Variants in NRG1 observed in about 807,000 individuals in gnomAD.
NRG1 encodes pro-neuregulin-1, membrane-bound isoform.
A neutral mutation model predicts 63.8 loss-of-function variants in NRG1; 18 were observed. The observed-to-expected ratio is 0.28, with a 90% CI of 0.19 to 0.42. The LOEUF is 0.42. Ranked by LOEUF, NRG1 falls within the 10% of genes least tolerant of loss-of-function variation. The pLI, the probability that NRG1 is intolerant of heterozygous loss-of-function variation, is 1.00. For missense variants in NRG1, 762 were observed against 814.7 expected (o/e 0.94, Z 0.79); for synonymous variants, 302 against 301.3 (o/e 1.00, Z -0.02).
intron 5 of NRG1, among the ~76,000 whole-genome samples, chr8:32,630,227 T>C (rs1165076179): frequency 1.3e-5 from 2 of 152,192 alleles, no homozygotes; most frequent in African/African-American, 4.8e-5. Context: ...CTTTCAGAAA[T>C]GGTCCTTTTT....
rs575790484 is a variant in NRG1 at position 32,462,283 on chromosome 8, A to G, written c.38-133545A>G. On this transcript the variant is annotated intron_variant, in intron 1 of 10. Transcript: ENST00000519301. ...GATTGGTGAGTGACAACAGTGCAGT[A>G]GGTAAAACTAATCTTAGACTCACAG... 1.8e-4 allele frequency among the ~76,000 whole-genome samples: 28 copies of G among 152,316 alleles called. No individual in the cohort carries two copies. The East Asian group carries it at 4.2e-3, about 23-fold the overall frequency.
chr8:32,646,967 A>G, intron 5 of NRG1: 1 of 983,774 alleles, frequency 1.0e-6, no homozygotes, highest in African/African-American at 1.8e-5. Flanking sequence ...AGAGAAAGAG[A>G]CTGAAGCAGA....
intron 5 of NRG1, among the ~76,000 whole-genome samples, chr8:32,633,486 A>G (rs562148500): frequency 6.6e-6 from 1 of 152,358 alleles, no homozygotes; most frequent in South Asian, 2.1e-4. Context: ...ATCAGAAGAA[A>G]ACATTTCCAT....
At chr8:31,772,037 G>A (rs1307692455) in intron 1 of NRG1, among the ~76,000 whole-genome samples, 1 of 152,178 alleles carries the variant, frequency 6.6e-6, no homozygotes, top group Non-Finnish European at 1.5e-5. Flanking sequence ...AACATTATAA[G>A]CACATGGTTT....
chr8:31,915,962 C>T (rs1256492997), intron 1 of NRG1, among the ~76,000 whole-genome samples: 3 of 152,042 alleles, frequency 2.0e-5, no homozygotes, highest in Non-Finnish European at 4.4e-5. Context: ...TACTACCAAG[C>T]ATATTCTGGA....
intron 5 of NRG1, among the ~76,000 whole-genome samples, chr8:32,624,624 G>A (rs1848879499): frequency 6.6e-6 from 1 of 152,076 alleles, no homozygotes; most frequent in South Asian, 2.1e-4. Flanking sequence ...GAATATAATT[G>A]CAGTATCATT....
At chr8:32,359,426 A>G (rs1806930783) in intron 1 of NRG1, among the ~76,000 whole-genome samples, 1 of 152,142 alleles carries the variant, frequency 6.6e-6, no homozygotes, top group South Asian at 2.1e-4. Context: ...CCCATCATAG[A>G]TAAGACTAGA....
rs765738805 is a variant in NRG1, at chr8:31,640,634, G to C, written c.37+1203G>C. 6.2e-7 allele frequency: 1 copy of C among 1,609,812 alleles called. No individual in the cohort carries two copies. The highest frequency in any genetic ancestry group is 1.1e-5 in the South Asian group (1 of 90,738). ...ATGGAGCCCGACGCCAACAGCACCA[G>C]CCGCGCGCCGGCCGCCTTCCGAGCC... On this transcript the variant is annotated intron_variant, in intron 1 of 10. Transcript: ENST00000519301. The surrounding 1 kb of genome is among the most constrained non-coding windows in gnomAD (Gnocchi z 6.3).
intron 1 of NRG1, among the ~76,000 whole-genome samples, chr8:31,848,992 A>G (rs1365264355): frequency 1.3e-5 from 2 of 152,206 alleles, no homozygotes; most frequent in Non-Finnish European, 2.9e-5. Flanking sequence ...ACAGATCCCT[A>G]TGCCAAAAAG....
chr8:32,684,593 G>A (rs1056323138), intron 5 of NRG1, among the ~76,000 whole-genome samples: 2 of 152,094 alleles, frequency 1.3e-5, no homozygotes, highest in African/African-American at 4.8e-5. Flanking sequence ...AAAGCTACAA[G>A]AGGTGTTATT....
intron 1 of NRG1, among the ~76,000 whole-genome samples, chr8:32,135,879 G>A (rs1835443505): frequency 6.6e-6 from 1 of 151,982 alleles, no homozygotes; most frequent in Non-Finnish European, 1.5e-5. Flanking sequence ...TTACAGGTGA[G>A]CATAAAAAAG....
At chr8:32,740,559 A>C (rs1037994806) in intron 6 of NRG1, among the ~76,000 whole-genome samples, 4 of 152,076 alleles carry the variant, frequency 2.6e-5, no homozygotes, top group Admixed American at 2.6e-4. Flanking sequence ...CTGCAGCAAA[A>C]ATATTCTAAA....
intron 1 of NRG1, among the ~76,000 whole-genome samples, chr8:31,797,740 CTATT>C (rs1385676951): frequency 2.0e-5 from 3 of 152,098 alleles, no homozygotes; most frequent in Admixed American, 1.3e-4. Context: ...ATTGTTAACA[CTATT>C]TATGGCAGCA....
At chr8:32,110,678 A>G (rs781473735) in intron 1 of NRG1, among the ~76,000 whole-genome samples, 1 of 152,126 alleles carries the variant, frequency 6.6e-6, no homozygotes, top group Non-Finnish European at 1.5e-5. Flanking sequence ...CTAAGGTTGA[A>G]TGATGTACTT....
intron 1 of NRG1, among the ~76,000 whole-genome samples, chr8:31,812,487 G>A (rs906351325): frequency 6.6e-6 from 1 of 151,988 alleles, no homozygotes; most frequent in Non-Finnish European, 1.5e-5. Flanking sequence ...ATTTGAAGCT[G>A]GAATACCCAA....
At chr8:32,603,069 A>G (rs1366819813) in intron 2 of NRG1, among the ~76,000 whole-genome samples, 1 of 152,220 alleles carries the variant, frequency 6.6e-6, no homozygotes, top group Non-Finnish European at 1.5e-5. Flanking sequence ...GATATACTTC[A>G]GGGAAGCTTT....
chr8:31,845,088 C>T (rs755644767), intron 1 of NRG1, among the ~76,000 whole-genome samples: 1 of 151,218 alleles, frequency 6.6e-6, no homozygotes, highest in Non-Finnish European at 1.5e-5. Context: ...GCCTGGGCGA[C>T]AGGGTGAGAC....
At chr8:32,339,523 G>T (rs1803774550) in intron 1 of NRG1, among the ~76,000 whole-genome samples, 1 of 152,164 alleles carries the variant, frequency 6.6e-6, no homozygotes, top group African/African-American at 2.4e-5. Context: ...TTTTGCATTT[G>T]TGTTTTGTTG....
intron 1 of NRG1, among the ~76,000 whole-genome samples, chr8:32,272,511 G>A (rs1394736796): frequency 6.6e-6 from 1 of 152,150 alleles, no homozygotes; most frequent in Non-Finnish European, 1.5e-5. Flanking sequence ...AGAATCAGTT[G>A]CCTTGCCAGT....
Sources: gnomAD v4.1 joint callset for allele counts (sites outside exome capture counted in the v4.1 genomes callset) on GRCh38, gnomAD v4.1.1 for gene constraint, Gnocchi (gnomAD v3.1) non-coding constraint, MANE v1.5 for transcripts, NCBI Gene and HGNC (gene_info 2026-07-23, HGNC 2026-07-21) for gene names.